Variants in PRTG observed in about 807,000 individuals in gnomAD.
PRTG encodes the protein protogenin, also known as immunoglobulin superfamily, DCC subclass, member 5.
A neutral mutation model predicts 122.5 loss-of-function variants in PRTG; 67 were observed. The ratio of observed to expected loss-of-function variants is 0.55; its 90% CI spans 0.45 to 0.67. PRTG has a LOEUF of 0.67. Among genes scored for constraint, PRTG ranks in the 30% least tolerant of loss-of-function variants. The pLI is 0.00. For synonymous variants in PRTG, 554 were observed against 501.1 expected, an observed-to-expected ratio of 1.11 and a Z score of -1.41; for missense variants, 1,435 against 1,415.4, an observed-to-expected ratio of 1.01 and a Z score of -0.22.
intron 1 of PRTG, among the ~76,000 whole-genome samples, chr15:55,741,545 T>C (rs2031608385): frequency 6.6e-6 from 1 of 152,180 alleles, no homozygotes; most frequent in Non-Finnish European, 1.5e-5. Context: ...GGATAAAGCA[T>C]TCGATGACCA....
chr15:55,731,711 C>T (rs75761038), intron 2 of PRTG, among the ~76,000 whole-genome samples: 11,806 of 152,096 alleles, frequency 0.078, 511 homozygotes, highest in Non-Finnish European at 0.1. Flanking sequence ...AGTGGGGAAC[C>T]AGTATAATCA....
At position 55,615,792 on chromosome 15, in the gene PRTG, T is replaced by C. The variant is rs1267138034; in HGVS notation, c.*4220A>G. 1 of 152,144 alleles carries C rather than the reference T, an allele frequency of 6.6e-6. No homozygotes were observed. Among genetic ancestry groups the C allele is most frequent in the Admixed American group, 6.6e-5 (1 of 15,264 alleles). The allele number at this position is 152,144 out of a possible 1,614,324, so 9.4% of individuals were successfully genotyped here. ...AGAAATGTATATAAGTGAACCACTA[T>C]AGCTACTGCTGAAGTGAAACCACAT... is the stretch of plus-strand genomic sequence containing the variant. On this transcript the variant is annotated 3_prime_UTR_variant, in exon 20 of 20. Coordinates refer to ENST00000389286, the MANE Select transcript of PRTG (RefSeq NM_173814.6).
intron 2 of PRTG, among the ~76,000 whole-genome samples, chr15:55,717,272 C>G (rs765163725): frequency 7.2e-5 from 11 of 152,084 alleles, no homozygotes; most frequent in Non-Finnish European, 1.3e-4. Flanking sequence ...TACAATGAAC[C>G]ATTTCCTACT....
intron 2 of PRTG, among the ~76,000 whole-genome samples, chr15:55,738,023 T>C (rs4774809): frequency 0.42 from 39,994 of 95,802 alleles, 8,655 homozygotes; most frequent in East Asian, 0.54. Flanking sequence ...TATATATATA[T>C]ATACACACAC....
Position 55,619,238 on chromosome 15 carries a change from C to T in PRTG, c.*774G>A, listed in dbSNP as rs1259665013. 1 of 152,068 alleles carries T rather than the reference C, an allele frequency of 6.6e-6. No homozygotes were observed. The highest frequency in any genetic ancestry group is 2.4e-5 in the African/African-American group (1 of 41,404). 9.4% of individuals were successfully genotyped at this position (152,068 alleles called of 1,614,324 possible). A position where few individuals can be genotyped will look rare whatever the true frequency, so the allele number is the denominator to read the frequency against. On this transcript the variant is annotated 3_prime_UTR_variant, in exon 20 of 20. Transcript: ENST00000389286. ...ATAAAGGCCTTTTAAGCAAAATGATCCCTACCTGGTATTGAATAGTTCTGT... is the reference window on the plus strand; with the variant it reads ...ATAAAGGCCTTTTAAGCAAAATGATTCCTACCTGGTATTGAATAGTTCTGT...
At chr15:55,631,105 T>C (rs1041738209) in intron 15 of PRTG, among the ~76,000 whole-genome samples, 2 of 152,138 alleles carry the variant, frequency 1.3e-5, no homozygotes, top group Non-Finnish European at 2.9e-5. Flanking sequence ...GTTTTCATGT[T>C]CTCTGGTTTC....
intron 11 of PRTG, among the ~76,000 whole-genome samples, chr15:55,669,408 C>T (rs993436684): frequency 1.3e-5 from 2 of 152,300 alleles, no homozygotes; most frequent in African/African-American, 2.4e-5. Flanking sequence ...TACTGCCCTC[C>T]AGACACATCA....
Position 55,683,783 on chromosome 15 carries a change from C to G in PRTG, c.542+4G>C. Reference sequence around the variant, plus strand: ...CATCTCCAAAGACAAAAATCTACATCTACCTGTCCATAGTCATAGGTAGAG... The same window carrying G: ...CATCTCCAAAGACAAAAATCTACATGTACCTGTCCATAGTCATAGGTAGAG... On this transcript the variant is annotated splice_donor_region_variant and intron_variant, in intron 3 of 19. Coordinates refer to ENST00000389286, the MANE Select transcript of PRTG (RefSeq NM_173814.6). 6.2e-7 allele frequency: 1 copy of G among 1,608,776 alleles called. No homozygotes were observed. Among genetic ancestry groups the G allele is most frequent in the African/African-American group, 1.3e-5 (1 of 74,804 alleles).
intron 2 of PRTG, among the ~76,000 whole-genome samples, chr15:55,709,923 T>C (rs1375719289): frequency 1.3e-5 from 2 of 152,202 alleles, no homozygotes; most frequent in African/African-American, 2.4e-5. Flanking sequence ...ATTGTGGTGA[T>C]GGTTTCATTG....
Position 55,681,103 on chromosome 15 carries a change from A to G in PRTG, c.677-475T>C, listed in dbSNP as rs185292619. The stretch of plus-strand genomic sequence containing the variant: ...TTCATTCCTTTATATTGAGCAATAT[A>G]TATCATTGTATAGATAGAACACATT... On this transcript the variant is annotated intron_variant, in intron 4 of 19. Transcript: ENST00000389286. Among the ~76,000 whole-genome samples, 36 of 152,258 alleles carry G rather than the reference A, an allele frequency of 2.4e-4. No individual in the cohort carries two copies. The East Asian group carries it at 2.9e-3, about 12-fold the overall frequency.
intron 2 of PRTG, among the ~76,000 whole-genome samples, chr15:55,726,402 C>T (rs189785672): frequency 5.0e-4 from 76 of 151,976 alleles, no homozygotes; most frequent in Admixed American, 9.2e-4. Context: ...GATCCAAAGA[C>T]GCAAATAGAT....
chr15:55,699,290 C>G (rs1272201809), intron 2 of PRTG, among the ~76,000 whole-genome samples: 1 of 151,832 alleles, frequency 6.6e-6, no homozygotes, highest in Non-Finnish European at 1.5e-5. Context: ...TTGGTATTTT[C>G]CCCCACCTTT....
At chr15:55,622,676 C>A (rs761134446) in intron 18 of PRTG, among the ~76,000 whole-genome samples, 2 of 152,004 alleles carry the variant, frequency 1.3e-5, no homozygotes, top group African/African-American at 2.4e-5. Flanking sequence ...CAGGCGTGAG[C>A]CACCGCGCCC....
At chr15:55,667,751 T>C (rs1240055633) in intron 11 of PRTG, among the ~76,000 whole-genome samples, 2 of 152,230 alleles carry the variant, frequency 1.3e-5, no homozygotes, top group Non-Finnish European at 2.9e-5. Context: ...TAAAGAAGTT[T>C]ACTGAGTTCA....
chr15:55,629,636 G>A (rs1285344254), intron 15 of PRTG, among the ~76,000 whole-genome samples: 1 of 151,778 alleles, frequency 6.6e-6, no homozygotes, highest in Non-Finnish European at 1.5e-5. Flanking sequence ...TTGGGACTAC[G>A]GGCCCACTCC....
At chr15:55,655,698 G>A (rs1306476655) in intron 11 of PRTG, 3 of 151,752 alleles carry the variant, frequency 2.0e-5, no homozygotes, top group Admixed American at 1.3e-4. Flanking sequence ...ATAAGAAACT[G>A]ATGTTCTGTG....
At chr15:55,680,783 G>A (rs918561829) in intron 4 of PRTG, among the ~76,000 whole-genome samples, 155 bp from the exon 5 acceptor site, 1 of 152,048 alleles carries the variant, frequency 6.6e-6, no homozygotes, top group Non-Finnish European at 1.5e-5. Flanking sequence ...CCCATCTGAA[G>A]TATATAATTC....
chr15:55,715,096 T>G (rs2030550724), intron 2 of PRTG, among the ~76,000 whole-genome samples: 1 of 152,216 alleles, frequency 6.6e-6, no homozygotes, highest in Admixed American at 6.5e-5. Flanking sequence ...CATATATTCA[T>G]ATTATTCAAA....
chr15:55,619,768 C>CTTA lies in PRTG; in HGVS notation c.*243_*244insTAA, dbSNP rs1366429916. The stretch of plus-strand genomic sequence containing the variant: ...ACATTCAAAAAAAGCTAAAATACCC[C>CTTA]ATAAAGATATTAAGATTTTCACAAA... On this transcript the variant is annotated 3_prime_UTR_variant, in exon 20 of 20. Transcript: ENST00000389286. 1 of 531,260 alleles carries CTTA rather than the reference C, an allele frequency of 1.9e-6. No individual in the cohort carries two copies. Among genetic ancestry groups the CTTA allele is most frequent in the Non-Finnish European group, 3.1e-6 (1 of 317,544 alleles). The allele number at this position is 531,260 out of a possible 1,614,324, so 32.9% of individuals were successfully genotyped here. A position where few individuals can be genotyped will look rare whatever the true frequency, so the allele number is the denominator to read the frequency against.
Sources: allele counts gnomAD v4.1 joint callset (sites outside exome capture counted in the v4.1 genomes callset), GRCh38; gene constraint gnomAD v4.1.1; transcripts MANE v1.5; gene names NCBI Gene and HGNC (gene_info 2026-07-23, HGNC 2026-07-21).